EIF2B3: variants seen among roughly 807,000 people sequenced by gnomAD.
The protein encoded by EIF2B3 is eukaryotic translation initiation factor 2B subunit gamma.
A neutral mutation model predicts 54.1 loss-of-function variants in EIF2B3; 20 were observed. The observed-to-expected ratio is 0.37, with a 90% CI of 0.26 to 0.54. EIF2B3 has a LOEUF of 0.54. Among genes scored for constraint, EIF2B3 ranks in the 20% least tolerant of loss-of-function variants. The pLI, the probability that EIF2B3 is intolerant of heterozygous loss-of-function variation, is 0.86. For missense variants in EIF2B3, 448 were observed against 547.8 expected (o/e 0.82, Z 1.82); for synonymous variants, 153 against 188.1 (o/e 0.81, Z 1.52).
intron 5 of EIF2B3, among the ~76,000 whole-genome samples, chr1:44,910,615 AC>A (rs1256160698): frequency 1.1e-3 from 70 of 62,492 alleles, no homozygotes; most frequent in Middle Eastern, 0.02. Context: ...ATCCCTCCCC[AC>A]CCCCCCAAGT....
intron 4 of EIF2B3, among the ~76,000 whole-genome samples, chr1:44,937,787 G>C (rs1333041004): frequency 6.6e-6 from 1 of 151,258 alleles, no homozygotes; most frequent in African/African-American, 2.4e-5. Flanking sequence ...GGGAGGCTGA[G>C]GCAGGAGAAT....
chr1:44,921,443 T>G (rs1488214104), intron 5 of EIF2B3, among the ~76,000 whole-genome samples: 2 of 152,228 alleles, frequency 1.3e-5, no homozygotes, highest in Non-Finnish European at 1.5e-5. Context: ...TTGTGGGGTA[T>G]TACTCAAGAC....
At chr1:44,952,557 T>A (rs750860389) in intron 3 of EIF2B3, among the ~76,000 whole-genome samples, 18 of 39,886 alleles carry the variant, frequency 4.5e-4, no homozygotes, top group Non-Finnish European at 6.3e-4. Context: ...TTTTCTCCAA[T>A]TTTTTTTTTT....
At chr1:44,891,868 A>G (rs1655809302) in intron 6 of EIF2B3, among the ~76,000 whole-genome samples, 1 of 152,158 alleles carries the variant, frequency 6.6e-6, no homozygotes, top group Non-Finnish European at 1.5e-5. Context: ...AAGTTCTTAT[A>G]GCAATGCTTA....
chr1:44,942,398 TA>T (rs1557696906), intron 3 of EIF2B3, among the ~76,000 whole-genome samples: 4 of 18,984 alleles, frequency 2.1e-4, no homozygotes, highest in Non-Finnish European at 4.0e-4. Context: ...TATATATATA[TA>T]TATATATATA....
chr1:44,851,722 AG>A (rs1654276628), intron 11 of EIF2B3, among the ~76,000 whole-genome samples: 1 of 152,164 alleles, frequency 6.6e-6, no homozygotes. Flanking sequence ...GGATAAACGG[AG>A]ATAAGAAAGG....
In EIF2B3 at chr1:44,852,115, A is replaced by AT. The variant is rs34314171; in HGVS notation, c.1307-1113dup. Among the ~76,000 whole-genome samples, 1,174 of 133,224 alleles carry AT rather than the reference A, an allele frequency of 8.8e-3. 10 individuals carry two copies. Among genetic ancestry groups the AT allele is most frequent in the African/African-American group, 9.9e-3 (356 of 35,844 alleles). 87.4% of individuals were successfully genotyped at this position (133,224 alleles called of 152,430 possible). On this transcript the variant is annotated intron_variant, in intron 11 of 11. Transcript: ENST00000360403. ...AGGCATATGACGCCACACATGGCTA[A>AT]TTTTTTTTTTTTTTTTTTTTGTATT...
intron 3 of EIF2B3, among the ~76,000 whole-genome samples, chr1:44,962,214 C>CATCATT (rs1226708123): frequency 1.4e-5 from 2 of 147,616 alleles, no homozygotes; most frequent in Non-Finnish European, 3.0e-5. Context: ...ACATCATCAT[C>CATCATT]ATCATCATCA....
intron 6 of EIF2B3, among the ~76,000 whole-genome samples, chr1:44,893,868 C>T (rs1023793920): frequency 6.0e-5 from 9 of 150,036 alleles, no homozygotes; most frequent in Admixed American, 2.7e-4. Context: ...GGGTGGGGAG[C>T]GGGGGAGGTT....
chr1:44,857,679 A>C (rs1420923142), intron 11 of EIF2B3, 25 bp downstream of exon 11: 1 of 1,609,186 alleles, frequency 6.2e-7, no homozygotes, highest in Non-Finnish European at 8.5e-7. Context: ...GTAAAAATGG[A>C]ATCTGTGATT....
intron 3 of EIF2B3, chr1:44,959,158 C>T: frequency 1.4e-6 from 1 of 723,770 alleles, no homozygotes; most frequent in East Asian, 2.5e-5. Context: ...TACGATTGCA[C>T]AGTCTGGTGT....
intron 3 of EIF2B3, among the ~76,000 whole-genome samples, chr1:44,953,587 G>A (rs1174616653): frequency 6.6e-6 from 1 of 151,970 alleles, no homozygotes; most frequent in Non-Finnish European, 1.5e-5. Flanking sequence ...GATCAGCCTG[G>A]GCAACATGGC....
At chr1:44,908,264 T>C (rs1212825026) in intron 5 of EIF2B3, among the ~76,000 whole-genome samples, 1 of 152,168 alleles carries the variant, frequency 6.6e-6, no homozygotes, top group Non-Finnish European at 1.5e-5. Context: ...ATACAACCAC[T>C]ATCCTTATGT....
chr1:44,869,261 T>A (rs961266362), intron 10 of EIF2B3, among the ~76,000 whole-genome samples: 3 of 152,120 alleles, frequency 2.0e-5, no homozygotes, highest in Non-Finnish European at 4.4e-5. Context: ...GCAGATCACT[T>A]GAGGTCAGGA....
chr1:44,880,495 CTT>C (rs1240069841), intron 7 of EIF2B3, among the ~76,000 whole-genome samples: 1 of 152,204 alleles, frequency 6.6e-6, no homozygotes, highest in Admixed American at 6.6e-5. Context: ...GCCAGGTTGA[CTT>C]TGTGCTGCTA....
In EIF2B3 at chr1:44,980,577, CTT is replaced by C. The variant is rs1258719952; in HGVS notation, c.148+442_148+443del. ...GCAAAAAGTAGAGAGGATCACTAGA[CTT>C]TAAAGTTCTGGAAGTCAGGGCCTGA... On this transcript the variant is annotated intron_variant, in intron 2 of 11. Coordinates refer to ENST00000360403, the MANE Select transcript of EIF2B3 (RefSeq NM_020365.5). Among the ~76,000 whole-genome samples the C allele has an allele frequency of 3.9e-5, 6 of 152,262 alleles. No individual in the cohort carries two copies. The East Asian group carries it at 1.2e-3, about 29-fold the overall frequency.
chr1:44,965,183 A>G (rs1644324713), intron 3 of EIF2B3, among the ~76,000 whole-genome samples: 1 of 152,222 alleles, frequency 6.6e-6, no homozygotes, highest in Admixed American at 6.5e-5. Flanking sequence ...CAATAGCTGC[A>G]CACCTGCAAG....
rs1304527073 is a variant in EIF2B3 at position 44,898,704 on chromosome 1, G to C, written c.567-1260C>G. Among the ~76,000 whole-genome samples, 5 of 152,092 alleles carry C rather than the reference G, an allele frequency of 3.3e-5. No homozygotes were observed. The East Asian group carries it at 9.6e-4, about 29-fold the overall frequency. On this transcript the variant is annotated intron_variant, in intron 5 of 11. Transcript: ENST00000360403. Reference sequence around the variant, plus strand: ...TTTTATGTTTACTTTTAGAGACAGGGTCTTGCTCTGACTGGAGATAGCCAC... The same window carrying C: ...TTTTATGTTTACTTTTAGAGACAGGCTCTTGCTCTGACTGGAGATAGCCAC...
At chr1:44,980,595 C>A (rs905738317) in intron 2 of EIF2B3, among the ~76,000 whole-genome samples, 23 of 152,156 alleles carry the variant, frequency 1.5e-4, no homozygotes. Flanking sequence ...TTCTGGAAGT[C>A]AGGGCCTGAG....
Sources: gnomAD v4.1 joint callset for allele counts (sites outside exome capture counted in the v4.1 genomes callset) on GRCh38, gnomAD v4.1.1 for gene constraint, MANE v1.5 for transcripts, NCBI Gene and HGNC (gene_info 2026-07-23, HGNC 2026-07-21) for gene names.